KHDRBS2: variants seen among roughly 807,000 people sequenced by gnomAD.
KHDRBS2 encodes KH domain-containing, RNA-binding, signal transduction-associated protein 2.
A neutral mutation model predicts 44.3 loss-of-function variants in KHDRBS2; 26 were observed. The ratio of observed to expected loss-of-function variants is 0.59; its 90% CI spans 0.43 to 0.81. The LOEUF is 0.81. KHDRBS2 is among the 40% of genes least tolerant of loss of function. The pLI, the probability that KHDRBS2 is intolerant of heterozygous loss-of-function variation, is 0.00. For missense variants in KHDRBS2, 476 were observed against 433.1 expected (o/e 1.10, Z -0.88); for synonymous variants, 194 against 151.1 (o/e 1.28, Z -2.08).
At chr6:61,858,400 G>GT (rs1338704793) in intron 6 of KHDRBS2, among the ~76,000 whole-genome samples, 6 of 151,456 alleles carry the variant, frequency 4.0e-5, no homozygotes, top group African/African-American at 9.7e-5. Flanking sequence ...TCTGGCATAA[G>GT]TTTTTTTATT....
chr6:62,088,440 C>T (rs1316039466), intron 2 of KHDRBS2, among the ~76,000 whole-genome samples: 3 of 152,110 alleles, frequency 2.0e-5, no homozygotes, highest in Non-Finnish European at 4.4e-5. Flanking sequence ...CTTAGTTTTC[C>T]TTCTAACAGT....
chr6:62,021,550 C>T (rs1782312782), intron 3 of KHDRBS2, among the ~76,000 whole-genome samples: 2 of 151,674 alleles, frequency 1.3e-5, no homozygotes, highest in South Asian at 4.2e-4. Flanking sequence ...GTTCTTTTGG[C>T]CATACTGTCA....
At chr6:62,095,046 CT>C (rs1399571802) in intron 2 of KHDRBS2, among the ~76,000 whole-genome samples, 12 of 151,784 alleles carry the variant, frequency 7.9e-5, no homozygotes, top group African/African-American at 1.7e-4. Context: ...TATTTGGGGT[CT>C]TTTTTGGTCC....
At chr6:61,623,532 A>G in the KHDRBS2 span, among the ~76,000 whole-genome samples, 2 of 152,192 alleles carry the variant, frequency 1.3e-5, no homozygotes, top group Admixed American at 6.5e-5. Flanking sequence ...ACTCAGTATT[A>G]CTTATTAGAA....
intron 3 of KHDRBS2, among the ~76,000 whole-genome samples, chr6:62,017,789 ATAAG>A (rs769283791): frequency 8.5e-5 from 13 of 152,300 alleles, no homozygotes; most frequent in African/African-American, 3.1e-4. Flanking sequence ...ATTCTAAAGT[ATAAG>A]TAAGTGGCAA....
intron 4 of KHDRBS2, among the ~76,000 whole-genome samples, chr6:61,916,056 C>A (rs1205499434): frequency 6.6e-6 from 1 of 151,922 alleles, no homozygotes; most frequent in Non-Finnish European, 1.5e-5. Context: ...AAACATTTTC[C>A]AAGAGATTTG....
chr6:62,225,022 C>G (rs1831520516), intron 1 of KHDRBS2, among the ~76,000 whole-genome samples: 1 of 152,168 alleles, frequency 6.6e-6, no homozygotes, highest in African/African-American at 2.4e-5. Context: ...GATTTTACCC[C>G]TAGGGAGCAC....
At chr6:61,992,936 G>A (rs745832660) in intron 3 of KHDRBS2, among the ~76,000 whole-genome samples, 21 of 152,046 alleles carry the variant, frequency 1.4e-4, no homozygotes, top group Admixed American at 2.6e-4. Flanking sequence ...AGATGCCTGC[G>A]AACCTGTAAG....
intron 2 of KHDRBS2, among the ~76,000 whole-genome samples, chr6:62,065,271 T>C (rs369150454): frequency 6.6e-6 from 1 of 152,138 alleles, no homozygotes; most frequent in Non-Finnish European, 1.5e-5. Flanking sequence ...GACCCAGCCA[T>C]TCCATTACTG....
At chr6:62,096,053 C>G (rs765007566) in intron 2 of KHDRBS2, among the ~76,000 whole-genome samples, 11 of 151,920 alleles carry the variant, frequency 7.2e-5, no homozygotes, top group Non-Finnish European at 1.5e-4. Context: ...CCATACGTAT[C>G]CCTGGGATGA....
intron 1 of KHDRBS2, among the ~76,000 whole-genome samples, chr6:62,263,576 T>C (rs1392394471): frequency 6.6e-6 from 1 of 151,746 alleles, no homozygotes; most frequent in African/African-American, 2.4e-5. Context: ...GATCCAAACA[T>C]ATTACTGCAA....
At chr6:61,776,681 C>T (rs1664286109) in intron 6 of KHDRBS2, among the ~76,000 whole-genome samples, 2 of 152,194 alleles carry the variant, frequency 1.3e-5, no homozygotes, top group Non-Finnish European at 1.5e-5. Context: ...CACTTTTACA[C>T]TGTTGGTGGG....
rs535409752 is a variant in KHDRBS2, at chr6:61,829,318, C to T, written c.810+65317G>A. 1.9e-3 allele frequency among the ~76,000 whole-genome samples: 285 copies of T among 152,240 alleles called. 11 individuals carry two copies. The South Asian group carries it at 0.057, about 30-fold the overall frequency. On this transcript the variant is annotated intron_variant, in intron 6 of 8. Coordinates refer to ENST00000281156, the MANE Select transcript of KHDRBS2 (RefSeq NM_152688.4). The stretch of plus-strand genomic sequence containing the variant: ...CTGGGACTACAGGCGCCCACCGCCA[C>T]GCTCAGCTAAATTTTTTTGTATTTT...
At chr6:61,957,354 C>G (rs1457262361) in intron 4 of KHDRBS2, among the ~76,000 whole-genome samples, 1 of 152,192 alleles carries the variant, frequency 6.6e-6, no homozygotes, top group East Asian at 1.9e-4. Flanking sequence ...TAACCTTAAA[C>G]TCTTGACTGC....
intron 7 of KHDRBS2, among the ~76,000 whole-genome samples, chr6:61,706,044 C>T (rs550339931): frequency 6.6e-6 from 1 of 151,932 alleles, no homozygotes; most frequent in South Asian, 2.1e-4. Flanking sequence ...GGAATATTGG[C>T]CAAATGAATA....
the KHDRBS2 span, among the ~76,000 whole-genome samples, chr6:61,641,901 G>A: frequency 2.0e-5 from 3 of 152,102 alleles, no homozygotes; most frequent in Non-Finnish European, 4.4e-5. Context: ...ATTCAATTAG[G>A]GCAGTGCTGG....
chr6:61,855,792 C>T (rs530517354), intron 6 of KHDRBS2, among the ~76,000 whole-genome samples: 1 of 152,082 alleles, frequency 6.6e-6, no homozygotes, highest in Admixed American at 6.6e-5. Context: ...CGGGGCAGTT[C>T]TGAAGCGCTT....
At chr6:62,264,370 G>A (rs917254685) in intron 1 of KHDRBS2, among the ~76,000 whole-genome samples, 1 of 151,672 alleles carries the variant, frequency 6.6e-6, no homozygotes, top group Admixed American at 6.6e-5. Flanking sequence ...AAAACTCTAA[G>A]ACCAAAATGA....
At chr6:61,634,011 A>G in the KHDRBS2 span, among the ~76,000 whole-genome samples, 1 of 152,108 alleles carries the variant, frequency 6.6e-6, no homozygotes, top group East Asian at 1.9e-4. Context: ...AACTGGGACA[A>G]TGGCAGAGAC....
Sources: allele counts gnomAD v4.1 joint callset (sites outside exome capture counted in the v4.1 genomes callset), GRCh38; gene constraint gnomAD v4.1.1; transcripts MANE v1.5; gene names NCBI Gene and HGNC (gene_info 2026-07-23, HGNC 2026-07-21).